RBFOX1: variants seen among roughly 807,000 people sequenced by gnomAD.
RBFOX1 encodes the protein RNA binding protein fox-1 homolog 1.
A neutral mutation model predicts 57.7 loss-of-function variants in RBFOX1; 8 were observed. The ratio of observed to expected loss-of-function variants is 0.14; its 90% CI spans 0.08 to 0.25. The LOEUF (loss-of-function observed/expected upper bound fraction) is 0.25, where lower values mean the gene tolerates loss of function less well. Among genes scored for constraint, RBFOX1 ranks in the 10% least tolerant of loss-of-function variants. RBFOX1 has a pLI of 1.00. For missense variants in RBFOX1, 611 were observed against 548.5 expected, an observed-to-expected ratio of 1.11 and a Z score of -1.14; for synonymous variants, 326 against 222.4, an observed-to-expected ratio of 1.47 and a Z score of -4.15.
intron 4 of RBFOX1, among the ~76,000 whole-genome samples, chr16:5,868,929 A>G (rs775333113): frequency 2.6e-5 from 4 of 152,198 alleles, no homozygotes; most frequent in Admixed American, 1.3e-4. Flanking sequence ...CTGATGCACC[A>G]TTTATTTATA....
At chr16:6,717,402 C>T (rs2065041472) in intron 3 of RBFOX1, among the ~76,000 whole-genome samples, 1 of 152,118 alleles carries the variant, frequency 6.6e-6, no homozygotes, top group Non-Finnish European at 1.5e-5. Flanking sequence ...AGAGTCTTTT[C>T]TACTACAGCA....
rs910996683 is a variant in RBFOX1 at position 6,874,238 on chromosome 16, A to G, written c.-15-177819A>G. On this transcript the variant is annotated intron_variant, in intron 3 of 15. Transcript: ENST00000550418. Reference sequence around the variant, plus strand: ...AAAAGGAATGAAATAGGTCAGGCAAAGTGGTTCACACTTGTAATCCCAGCA... The same window carrying G: ...AAAAGGAATGAAATAGGTCAGGCAAGGTGGTTCACACTTGTAATCCCAGCA... Among the ~76,000 whole-genome samples, 6 of 152,138 alleles carry G rather than the reference A, an allele frequency of 3.9e-5. 1 individual carries two copies. The highest frequency in any genetic ancestry group is 6.6e-5 in the Admixed American group (1 of 15,258).
At position 6,637,105 on chromosome 16, in the gene RBFOX1, ATT is replaced by A. The variant is rs1255616583; in HGVS notation, c.-63-17497_-63-17496del. 1.6e-3 allele frequency among the ~76,000 whole-genome samples: 20 copies of A among 12,696 alleles called. 1 individual carries two copies. The highest frequency in any genetic ancestry group is 6.7e-3 in the Non-Finnish European group (19 of 2,856). 8.3% of individuals were successfully genotyped at this position (12,696 alleles called of 152,430 possible). A position where few individuals can be genotyped will look rare whatever the true frequency, so the allele number is the denominator to read the frequency against. ...TATATAATACATATTAAATATATAT[ATT>A]ATATAATATATAAATTTATATTATA... On this transcript the variant is annotated intron_variant, in intron 2 of 15. Coordinates refer to ENST00000550418, the MANE Select transcript of RBFOX1 (RefSeq NM_018723.4).
intron 3 of RBFOX1, among the ~76,000 whole-genome samples, chr16:5,770,071 T>C (rs1324874459): frequency 6.6e-6 from 1 of 152,180 alleles, no homozygotes; most frequent in African/African-American, 2.4e-5. Flanking sequence ...AATGTGGCTC[T>C]AGCCAGAGTA....
At chr16:7,310,098 C>G (rs886438373) in intron 4 of RBFOX1, among the ~76,000 whole-genome samples, 2 of 152,196 alleles carry the variant, frequency 1.3e-5, no homozygotes, top group South Asian at 2.1e-4. Flanking sequence ...AGGGTCAGCT[C>G]TCAGGCACAA....
intron 2 of RBFOX1, among the ~76,000 whole-genome samples, chr16:6,518,899 A>T (rs1013651695): frequency 4.0e-5 from 6 of 151,832 alleles, no homozygotes; most frequent in Admixed American, 6.6e-5. Flanking sequence ...GGAGCTAGCA[A>T]AAGCAGGGAT....
chr16:5,870,672 C>T (rs1009709446), intron 4 of RBFOX1, among the ~76,000 whole-genome samples: 1 of 151,526 alleles, frequency 6.6e-6, no homozygotes, highest in Non-Finnish European at 1.5e-5. Flanking sequence ...ATTGCTGCAG[C>T]CACATCATAT....
chr16:7,437,572 T>C (rs566821346), intron 4 of RBFOX1, among the ~76,000 whole-genome samples: 1 of 152,276 alleles, frequency 6.6e-6, no homozygotes, highest in Admixed American at 6.5e-5. Context: ...ATTTCATGTA[T>C]TTGCAATGAA....
At chr16:6,120,367 C>A (rs1207408578) in intron 1 of RBFOX1, among the ~76,000 whole-genome samples, 1 of 152,222 alleles carries the variant, frequency 6.6e-6, no homozygotes, top group African/African-American at 2.4e-5. Flanking sequence ...TTTCCCACAG[C>A]AGCCACCCCA....
Position 6,714,710 on chromosome 16 carries a change from C to T in RBFOX1, c.-16+60060C>T, listed in dbSNP as rs1413446906. On this transcript the variant is annotated intron_variant, in intron 3 of 15. Transcript: ENST00000550418. ...AAATTGGTGGGGCCCTGGAGTGCCT[C>T]ACGTGGTGGCTTCAAGGTGTTGCAT... Among the ~76,000 whole-genome samples, 6 of 151,424 alleles carry T rather than the reference C, an allele frequency of 4.0e-5. No individual in the cohort carries two copies. The South Asian group carries it at 6.3e-4, about 16-fold the overall frequency.
intron 4 of RBFOX1, among the ~76,000 whole-genome samples, chr16:7,481,149 A>G (rs2151220675): frequency 6.6e-6 from 1 of 152,266 alleles, no homozygotes; most frequent in Non-Finnish European, 1.5e-5. Flanking sequence ...GGATGGTGCT[A>G]CATACTCCGC....
intron 3 of RBFOX1, among the ~76,000 whole-genome samples, chr16:5,625,291 A>G (rs2048315790): frequency 6.6e-6 from 1 of 152,038 alleles, no homozygotes; most frequent in South Asian, 2.1e-4. Flanking sequence ...TGTTGAATGA[A>G]TGATGCAATG....
chr16:6,111,764 T>C (rs1444281176), intron 1 of RBFOX1, among the ~76,000 whole-genome samples: 1 of 152,094 alleles, frequency 6.6e-6, no homozygotes, highest in Non-Finnish European at 1.5e-5. Flanking sequence ...ATTGTTTGGG[T>C]ATAGGTAGTG....
At chr16:6,912,237 G>C (rs1480524680) in intron 3 of RBFOX1, among the ~76,000 whole-genome samples, 1 of 152,118 alleles carries the variant, frequency 6.6e-6, no homozygotes, top group African/African-American at 2.4e-5. Context: ...CAAACTTGAG[G>C]GTACGTCAGA....
intron 1 of RBFOX1, among the ~76,000 whole-genome samples, chr16:5,283,709 G>A (rs887282842): frequency 6.6e-6 from 1 of 152,164 alleles, no homozygotes; most frequent in African/African-American, 2.4e-5. Context: ...TGGAATGACT[G>A]TGTTTACCCA....
intron 4 of RBFOX1, among the ~76,000 whole-genome samples, chr16:7,506,390 G>A (rs1161799507): frequency 2.6e-5 from 4 of 151,978 alleles, no homozygotes; most frequent in African/African-American, 9.7e-5. Flanking sequence ...CACCTAGCTT[G>A]AAAAAGAAGA....
intron 1 of RBFOX1, among the ~76,000 whole-genome samples, chr16:6,196,052 A>T (rs2097177943): frequency 6.6e-6 from 1 of 152,210 alleles, no homozygotes; most frequent in African/African-American, 2.4e-5. Flanking sequence ...GAGAACCATT[A>T]ATTACCATAC....
chr16:6,630,129 T>G (rs2098365696), intron 2 of RBFOX1, among the ~76,000 whole-genome samples: 1 of 152,096 alleles, frequency 6.6e-6, no homozygotes, highest in East Asian at 1.9e-4. Flanking sequence ...ATCTCATTAT[T>G]TTACTCAGCT....
chr16:6,791,375 C>A (rs1365362704), intron 3 of RBFOX1, among the ~76,000 whole-genome samples: 2 of 152,142 alleles, frequency 1.3e-5, no homozygotes, highest in African/African-American at 4.8e-5. Context: ...TCTTTCCAGG[C>A]AGGACTGGCT....
Sources: allele counts gnomAD v4.1 joint callset (sites outside exome capture counted in the v4.1 genomes callset), GRCh38; gene constraint gnomAD v4.1.1; transcripts MANE v1.5; gene names NCBI Gene and HGNC (gene_info 2026-07-23, HGNC 2026-07-21).